The following ANGPTL4 variants were observed in gnomAD, a reference collection of about 807,000 sequenced individuals.
The protein encoded by ANGPTL4 is angiopoietin-related protein 4.
A neutral mutation model predicts 39.2 loss-of-function variants in ANGPTL4; 39 were observed. The observed-to-expected ratio is 1.00, with a 90% CI of 0.77 to 1.30. The LOEUF (loss-of-function observed/expected upper bound fraction) is 1.30. ANGPTL4 is among the 50% of genes most tolerant of loss of function. The pLI, the probability that ANGPTL4 is intolerant of heterozygous loss-of-function variation, is 0.00. For synonymous variants in ANGPTL4, 233 were observed against 229.5 expected (o/e 1.02, Z -0.14); for missense variants, 545 against 549.8 (o/e 0.99, Z 0.09).
At chr19:8,364,687 G>T in intron 1 of ANGPTL4, 48 bp downstream of exon 1, 1 of 1,551,472 alleles carries the variant, frequency 6.4e-7, no homozygotes, top group South Asian at 1.2e-5. Context: ...GGCTCTCCTG[G>T]CTTGGAAGGG....
chr19:8,368,374 T>C (rs1432751054), intron 3 of ANGPTL4, among the ~76,000 whole-genome samples: 3 of 152,200 alleles, frequency 2.0e-5, no homozygotes, highest in African/African-American at 7.2e-5. Context: ...TGCCAGGCTG[T>C]GGGCAGAGCT....
At chr19:8,368,565 G>T (rs1971051874) in intron 3 of ANGPTL4, among the ~76,000 whole-genome samples, 1 of 152,052 alleles carries the variant, frequency 6.6e-6, no homozygotes, top group South Asian at 2.1e-4. Flanking sequence ...GAGAAGTGAG[G>T]AAAGAGAGTC....
rs375060464 is a variant in ANGPTL4 at position 8,371,375 on chromosome 19, A to G, written c.892A>G (p.Thr298Ala). ...CTCCGTGCACCTGGGTGGCGAGGAC[A>G]CGGCCTATAGCCTGCAGCTCACTGC... ...QFSVHLGGED[T>A]AYSLQLTAPV... Residue 298 changes from threonine (T) to alanine (A), a missense_variant, in exon 6 of 7, where the codon ACG (threonine) becomes GCG (alanine). Transcript: ENST00000301455. The surrounding 1 kb of genome is among the most constrained non-coding windows in gnomAD (Gnocchi z 5.1). 3.8e-5 allele frequency: 61 copies of G among 1,613,510 alleles called. No homozygotes were observed. The highest frequency in any genetic ancestry group is 5.2e-5 in the Non-Finnish European group (61 of 1,180,032).
chr19:8,371,479 T>C lies in ANGPTL4; in HGVS notation c.996T>C (p.Asp332=), dbSNP rs767605224. 5 of 1,613,080 alleles carry C rather than the reference T, an allele frequency of 3.1e-6. No homozygotes were observed. In the African/African-American group the frequency reaches 5.3e-5, roughly 17 times the overall value. ...TACCCTTCTCCACTTGGGACCAGGA[T>C]CACGACCTCCGCAGGGACAAGAACT... The part of the protein sequence containing the change: ...LSVPFSTWDQ[D]HDLRRDKNCA... Residue 332 remains aspartate, a synonymous_variant, in exon 6 of 7, where the codon GAT becomes GAC. Coordinates refer to ENST00000301455, the MANE Select transcript of ANGPTL4 (RefSeq NM_139314.3). This position sits in a 1 kb window ranked among gnomAD's most constrained non-coding sequence, Gnocchi z 5.1.
chr19:8,366,165 AGGCAGGACCTGACAC>A, intron 2 of ANGPTL4, 22 bp from the exon 3 acceptor site: 1 of 1,611,666 alleles, frequency 6.2e-7, no homozygotes, highest in Non-Finnish European at 8.5e-7. Context: ...ACGTGGGGCC[AGGCAGGACCTGACAC>A]CCTCCTCCCG....
chr19:8,367,275 C>T (rs1170516683), intron 3 of ANGPTL4, among the ~76,000 whole-genome samples: 1 of 152,172 alleles, frequency 6.6e-6, no homozygotes, highest in African/African-American at 2.4e-5. Flanking sequence ...GCCACCATCC[C>T]AGGATGAGGG....
intron 3 of ANGPTL4, among the ~76,000 whole-genome samples, chr19:8,368,075 A>G (rs373961655): frequency 7.8e-5 from 11 of 140,554 alleles, no homozygotes; most frequent in Admixed American, 3.7e-4. Context: ...TTGGAGTGCA[A>G]TGGTTCAACC....
intron 3 of ANGPTL4, among the ~76,000 whole-genome samples, chr19:8,367,163 C>G (rs114466156): frequency 6.6e-6 from 1 of 152,138 alleles, no homozygotes; most frequent in Non-Finnish European, 1.5e-5. Flanking sequence ...TGAGGGTTCT[C>G]TCCTCCCCAA....
chr19:8,364,456 G>T lies in ANGPTL4; in HGVS notation c.135G>T (p.Ala45=), dbSNP rs1267437044. 1 of 1,559,648 alleles carries T rather than the reference G, an allele frequency of 6.4e-7. No individual in the cohort carries two copies. Among genetic ancestry groups the T allele is most frequent in the East Asian group, 2.4e-5 (1 of 42,204 alleles). Residue 45 remains alanine, a synonymous_variant, in exon 1 of 7, where the codon GCG becomes GCT. Coordinates refer to ENST00000301455, the MANE Select transcript of ANGPTL4 (RefSeq NM_139314.3). ...FASWDEMNVL[A]HGLLQLGQGL... Reference sequence around the variant, plus strand: ...CCTGGGACGAGATGAATGTCCTGGCGCACGGACTCCTGCAGCTCGGCCAGG... The same window carrying T: ...CCTGGGACGAGATGAATGTCCTGGCTCACGGACTCCTGCAGCTCGGCCAGG...
Position 8,373,750 on chromosome 19 carries a change from A to G in ANGPTL4, c.1085A>G (p.Gln362Arg). 6.2e-7 allele frequency: 1 copy of G among 1,614,038 alleles called. No homozygotes were observed. ...GTCSHSNLNG[Q>R]YFRSIPQQRQ... ...TGCAGCCATTCCAACCTCAACGGCCAGTACTTCCGCTCCATCCCACAGCAG... is the reference window on the plus strand; with the variant it reads ...TGCAGCCATTCCAACCTCAACGGCCGGTACTTCCGCTCCATCCCACAGCAG... The change falls in exon 7 of 7, where the codon CAG (glutamine) becomes CGG (arginine). Residue 362 changes from glutamine (Q) to arginine (R), a missense_variant. Coordinates refer to ENST00000301455, the MANE Select transcript of ANGPTL4 (RefSeq NM_139314.3).
In ANGPTL4 at chr19:8,371,642, G is replaced by C; in HGVS notation, c.1039+120G>C. On this transcript the variant is annotated intron_variant, in intron 6 of 6. Transcript: ENST00000301455. This position sits in a 1 kb window ranked among gnomAD's most constrained non-coding sequence, Gnocchi z 5.1. ...TCCTGCCCCCACCTCTTCCTTACATGCCGTGTGTGTGATTGGGCCACTAAC... is the reference window on the plus strand; with the variant it reads ...TCCTGCCCCCACCTCTTCCTTACATCCCGTGTGTGTGATTGGGCCACTAAC... 1.4e-6 allele frequency: 2 copies of C among 1,423,678 alleles called. No homozygotes were observed. Among genetic ancestry groups the C allele is most frequent in the Non-Finnish European group, 1.9e-6 (2 of 1,048,206 alleles). The allele number at this position is 1,423,678 out of a possible 1,614,324, so 88.2% of individuals were successfully genotyped here.
At chr19:8,365,855 G>A in intron 1 of ANGPTL4, 99 bp from the exon 2 acceptor site, 1 of 901,786 alleles carries the variant, frequency 1.1e-6, no homozygotes, top group Non-Finnish European at 1.8e-6. Flanking sequence ...CCCTTGCCTG[G>A]CCTCAGCGGA....
chr19:8,367,747 C>G (rs1457611702), intron 3 of ANGPTL4, among the ~76,000 whole-genome samples: 3 of 152,228 alleles, frequency 2.0e-5, no homozygotes, highest in Non-Finnish European at 4.4e-5. Flanking sequence ...CAGGCAGAGC[C>G]TCTGAGATGC....
At position 8,371,346 on chromosome 19, in the gene ANGPTL4, A is replaced by G. The variant is rs749374489; in HGVS notation, c.863A>G (p.Gln288Arg). 1 of 1,613,738 alleles carries G rather than the reference A, an allele frequency of 6.2e-7. No individual in the cohort carries two copies. The highest frequency in any genetic ancestry group is 8.5e-7 in the Non-Finnish European group (1 of 1,180,036). The change falls in exon 6 of 7, where the codon CAG becomes CGG. Residue 288 changes from glutamine to arginine, a missense_variant. Transcript: ENST00000301455. This position sits in a 1 kb window ranked among gnomAD's most constrained non-coding sequence, Gnocchi z 5.1. ...TGGGATGGCAACGCCGAGTTGCTGC[A>G]GTTCTCCGTGCACCTGGGTGGCGAG... ...RDWDGNAELL[Q>R]FSVHLGGEDT... is the part of the protein sequence containing the mutation.
intron 1 of ANGPTL4, among the ~76,000 whole-genome samples, 192 bp from the exon 2 acceptor site, chr19:8,365,762 G>A (rs1226742291): frequency 6.6e-6 from 1 of 152,032 alleles, no homozygotes; most frequent in Non-Finnish European, 1.5e-5. Context: ...AGGCTGCAGT[G>A]AGCTGTGACA....
Position 8,371,068 on chromosome 19 carries a change from C to G in ANGPTL4, c.674C>G (p.Thr225Arg), listed in dbSNP as rs1209589161. ...CCTTTCTGGGCAGATGGAGGCTGGA[C>G]AGTAATTCAGAGGCGCCACGATGGC... Reference protein sequence around the residue: ...NCKMTSDGGWTVIQRRHDGSV... With the variant: ...NCKMTSDGGWRVIQRRHDGSV... Residue 225 changes from threonine (T) to arginine (R), a missense_variant, in exon 5 of 7, where the codon ACA becomes AGA. Transcript: ENST00000301455. The surrounding 1 kb of genome is among the most constrained non-coding windows in gnomAD (Gnocchi z 5.1). 1.8e-5 allele frequency: 28 copies of G among 1,598,152 alleles called. No homozygotes were observed. Among genetic ancestry groups the G allele is most frequent in the Non-Finnish European group, 2.4e-5 (28 of 1,172,396 alleles).
Position 8,371,792 on chromosome 19 carries a change from G to A in ANGPTL4, c.1039+270G>A, listed in dbSNP as rs928706472. Among the ~76,000 whole-genome samples the A allele has an allele frequency of 1.3e-5, 2 of 152,144 alleles. No homozygotes were observed. Among genetic ancestry groups the A allele is most frequent in the South Asian group, 4.1e-4 (2 of 4,830 alleles). ...ATTTTTTGAGACGGAGTCTCACTTTGTCACCCAGGCTGGAGTGCTTTGTGG... is the reference window on the plus strand; with the variant it reads ...ATTTTTTGAGACGGAGTCTCACTTTATCACCCAGGCTGGAGTGCTTTGTGG... On this transcript the variant is annotated intron_variant, in intron 6 of 6. Coordinates refer to ENST00000301455, the MANE Select transcript of ANGPTL4 (RefSeq NM_139314.3). This position sits in a 1 kb window ranked among gnomAD's most constrained non-coding sequence, Gnocchi z 5.1.
chr19:8,364,447 T>C lies in ANGPTL4; in HGVS notation c.126T>C (p.Asn42=), dbSNP rs1273129366. The part of the protein sequence containing the change: ...SPRFASWDEM[N]VLAHGLLQLG... ...GCTTTGCGTCCTGGGACGAGATGAA[T>C]GTCCTGGCGCACGGACTCCTGCAGC... The change falls in exon 1 of 7, where the codon AAT becomes AAC. Residue 42 remains asparagine, a synonymous_variant. Coordinates refer to ENST00000301455, the MANE Select transcript of ANGPTL4 (RefSeq NM_139314.3). 1 of 1,557,416 alleles carries C rather than the reference T, an allele frequency of 6.4e-7. No homozygotes were observed. The highest frequency in any genetic ancestry group is 8.7e-7 in the Non-Finnish European group (1 of 1,152,926).
At position 8,369,455 on chromosome 19, in the gene ANGPTL4, C is replaced by CTTTTTT. The variant is rs569969146; in HGVS notation, c.661+139_661+144dup. The CTTTTTT allele has an allele frequency of 1.5e-5, 5 of 325,378 alleles. 1 individual carries two copies. The highest frequency in any genetic ancestry group is 2.1e-5 in the Non-Finnish European group (4 of 187,704). 20.2% of individuals were successfully genotyped at this position (325,378 alleles called of 1,614,324 possible). A position where few individuals can be genotyped will look rare whatever the true frequency, so the allele number is the denominator to read the frequency against. On this transcript the variant is annotated intron_variant, in intron 4 of 6. Coordinates refer to ENST00000301455, the MANE Select transcript of ANGPTL4 (RefSeq NM_139314.3). ...GTCTTGCTATGTTGCCCAAGCTGGTCTTTTTTTTTTTTTTTTTTTTTGAGA... is the reference window on the plus strand; with the variant it reads ...GTCTTGCTATGTTGCCCAAGCTGGTCTTTTTTTTTTTTTTTTTTTTTTTTTTTGAGA...
Sources: gnomAD v4.1 joint callset for allele counts (sites outside exome capture counted in the v4.1 genomes callset) on GRCh38, gnomAD v4.1.1 for gene constraint, Gnocchi (gnomAD v3.1) non-coding constraint, MANE v1.5 for transcripts, NCBI Gene and HGNC (gene_info 2026-07-23, HGNC 2026-07-21) for gene names.